The following SPATA16 variants were observed in gnomAD, a reference collection of about 807,000 sequenced individuals.
SPATA16 encodes the protein spermatogenesis associated 16, also known as spermatogenesis-associated protein 16.
A neutral mutation model predicts 63.3 loss-of-function variants in SPATA16; 36 were observed. The observed-to-expected ratio is 0.57, with a 90% CI of 0.44 to 0.75. The LOEUF (loss-of-function observed/expected upper bound fraction) is 0.75, where lower values mean the gene tolerates loss of function less well. SPATA16 is among the 30% of genes least tolerant of loss of function. The pLI is 0.00. For synonymous variants in SPATA16, 203 were observed against 216.7 expected, an observed-to-expected ratio of 0.94 and a Z score of 0.56; for missense variants, 646 against 679.3, an observed-to-expected ratio of 0.95 and a Z score of 0.54.
At chr3:172,959,681 C>T (rs1041844186) in intron 5 of SPATA16, among the ~76,000 whole-genome samples, 63 of 151,812 alleles carry the variant, frequency 4.1e-4, no homozygotes, top group African/African-American at 1.4e-3. Flanking sequence ...TTGAAACATC[C>T]TTTTGTGTTT....
chr3:173,066,935 A>G (rs1260133984), intron 2 of SPATA16, among the ~76,000 whole-genome samples: 2 of 152,122 alleles, frequency 1.3e-5, no homozygotes, highest in Non-Finnish European at 2.9e-5. Flanking sequence ...ACAGGAAAGG[A>G]ATTAAGAACT....
chr3:173,083,993 T>A (rs764151779), intron 2 of SPATA16, among the ~76,000 whole-genome samples: 2 of 152,166 alleles, frequency 1.3e-5, no homozygotes, highest in Non-Finnish European at 2.9e-5. Flanking sequence ...TATGCATGCA[T>A]GTATCTTTAT....
At chr3:172,971,628 A>G (rs1359300847) in intron 5 of SPATA16, among the ~76,000 whole-genome samples, 1 of 152,194 alleles carries the variant, frequency 6.6e-6, no homozygotes, top group Non-Finnish European at 1.5e-5. Flanking sequence ...AGTGCCTTAC[A>G]TACAGTCACT....
intron 5 of SPATA16, among the ~76,000 whole-genome samples, chr3:172,974,492 G>A (rs539518766): frequency 2.6e-5 from 4 of 151,888 alleles, no homozygotes. Context: ...CTCTGGCAGG[G>A]TTTAAAACCC....
intron 5 of SPATA16, among the ~76,000 whole-genome samples, chr3:172,961,051 C>T (rs868779296): frequency 0.036 from 2,242 of 61,700 alleles, 139 homozygotes; most frequent in African/African-American, 0.13. Flanking sequence ...TTTCTTTCTT[C>T]TTTCTTTCTT....
chr3:173,072,521 A>G (rs7649939), intron 2 of SPATA16, among the ~76,000 whole-genome samples: 28,365 of 152,092 alleles, frequency 0.19, 3,013 homozygotes, highest in African/African-American at 0.29. Flanking sequence ...TGTTTTTGTG[A>G]TAGTGAATAA....
At chr3:173,085,956 G>A (rs1737039769) in intron 2 of SPATA16, among the ~76,000 whole-genome samples, 1 of 151,970 alleles carries the variant, frequency 6.6e-6, no homozygotes, top group African/African-American at 2.4e-5. Flanking sequence ...TGTTCATCAG[G>A]GATATTGACC....
rs541413545 is a variant in SPATA16, at chr3:173,109,111, C to T, written c.612+8009G>A. ...GGCTTATTTATTGAAAATTCTCCTACTAAACCCCTCTTCCATACTCTACTA... is the reference window on the plus strand; with the variant it reads ...GGCTTATTTATTGAAAATTCTCCTATTAAACCCCTCTTCCATACTCTACTA... On this transcript the variant is annotated intron_variant, in intron 2 of 10. Transcript: ENST00000351008. 1.6e-4 allele frequency among the ~76,000 whole-genome samples: 25 copies of T among 152,250 alleles called. 1 individual carries two copies. The South Asian group carries it at 5.0e-3, about 30-fold the overall frequency.
chr3:173,005,720 G>T (rs1488210886), intron 4 of SPATA16, among the ~76,000 whole-genome samples: 1 of 152,126 alleles, frequency 6.6e-6, no homozygotes, highest in African/African-American at 2.4e-5. Context: ...ATCAATGTTT[G>T]TTTTTCACTA....
At chr3:172,913,908 G>A (rs911806923) in intron 9 of SPATA16, among the ~76,000 whole-genome samples, 164 bp from the exon 10 acceptor site, 5 of 152,046 alleles carry the variant, frequency 3.3e-5, no homozygotes, top group African/African-American at 4.8e-5. Flanking sequence ...TGTCATTGCC[G>A]AATATTATTG....
At chr3:173,073,451 A>C (rs1453603223) in intron 2 of SPATA16, among the ~76,000 whole-genome samples, 1 of 152,234 alleles carries the variant, frequency 6.6e-6, no homozygotes, top group Non-Finnish European at 1.5e-5. Context: ...TGCTGTGTGC[A>C]GCCTAGGGAC....
At chr3:173,056,815 A>G (rs1371817577) in intron 2 of SPATA16, among the ~76,000 whole-genome samples, 15 of 150,482 alleles carry the variant, frequency 1.0e-4, no homozygotes, top group Non-Finnish European at 1.5e-5. Context: ...GGTATTTCCC[A>G]TGCAGACAAG....
chr3:172,946,686 C>T (rs972098585), intron 6 of SPATA16, among the ~76,000 whole-genome samples: 10 of 152,120 alleles, frequency 6.6e-5, no homozygotes, highest in African/African-American at 2.2e-4. Context: ...AACATAGTAC[C>T]AAGTAGATTC....
intron 4 of SPATA16, among the ~76,000 whole-genome samples, chr3:173,015,714 T>C: frequency 6.6e-6 from 1 of 152,246 alleles, no homozygotes; most frequent in East Asian, 1.9e-4. Context: ...TTTTAGACCT[T>C]GTGCTAGTCA....
chr3:172,949,336 A>G (rs1560076271), intron 6 of SPATA16, among the ~76,000 whole-genome samples: 1 of 152,190 alleles, frequency 6.6e-6, no homozygotes, highest in Admixed American at 6.5e-5. Flanking sequence ...AATGCTCGTA[A>G]GGTGTAGGTT....
At chr3:173,011,760 A>G (rs1735078905) in intron 4 of SPATA16, among the ~76,000 whole-genome samples, 1 of 152,228 alleles carries the variant, frequency 6.6e-6, no homozygotes, top group African/African-American at 2.4e-5. Context: ...GGGATACAAA[A>G]TAAGTGTACA....
intron 2 of SPATA16, among the ~76,000 whole-genome samples, chr3:173,092,695 G>T (rs1416622354): frequency 6.6e-6 from 1 of 152,102 alleles, no homozygotes; most frequent in Non-Finnish European, 1.5e-5. Flanking sequence ...TTTTAGCCCA[G>T]TGAGACCCAT....
At chr3:173,099,778 C>T (rs139404622) in intron 2 of SPATA16, among the ~76,000 whole-genome samples, 246 of 152,258 alleles carry the variant, frequency 1.6e-3, no homozygotes, top group African/African-American at 5.7e-3. Flanking sequence ...ATGATTGACC[C>T]GAGAATCCCA....
intron 2 of SPATA16, among the ~76,000 whole-genome samples, chr3:173,085,061 A>G (rs1737017525): frequency 6.6e-6 from 1 of 152,054 alleles, no homozygotes; most frequent in Non-Finnish European, 1.5e-5. Context: ...AAGAACGTCA[A>G]TGGTAGTTTA....
Sources: gnomAD v4.1 joint callset for allele counts (sites outside exome capture counted in the v4.1 genomes callset) on GRCh38, gnomAD v4.1.1 for gene constraint, MANE v1.5 for transcripts, NCBI Gene and HGNC (gene_info 2026-07-23, HGNC 2026-07-21) for gene names.